The following FHOD3 variants were observed in gnomAD, a reference collection of about 807,000 sequenced individuals.
FHOD3 encodes FH1/FH2 domain-containing protein 3.
Under a neutral mutation model 173.0 loss-of-function variants are expected in FHOD3, and 90 were observed. The observed-to-expected ratio is 0.52, with a 90% CI of 0.44 to 0.62. The LOEUF (loss-of-function observed/expected upper bound fraction) is 0.62. Among genes scored for constraint, FHOD3 ranks in the 20% least tolerant of loss-of-function variants. The probability of loss-of-function intolerance (pLI) is 0.00; values close to 1 mark genes in which losing one functional copy is unlikely to be tolerated. For synonymous variants in FHOD3, 828 were observed against 823.0 expected (o/e 1.01, Z -0.10); for missense variants, 1,945 against 2,034.7 (o/e 0.96, Z 0.85).
At position 36,760,623 on chromosome 18, in the gene FHOD3, G is replaced by A. The variant is rs760749128; in HGVS notation, c.4465G>A (p.Gly1489Ser). Residue 1489 changes from glycine (G) to serine (S), a missense_variant, in exon 27 of 29, where the codon GGC becomes AGC. Around this residue, in one of 5 missense-constraint regions of FHOD3, gnomAD observed 354 missense variants for 359.9 expected, o/e 0.98. Coordinates refer to ENST00000590592, the MANE Select transcript of FHOD3 (RefSeq NM_001281740.3). ...GGTTTTGCAGTCTGGCAAGTTCTCC[G>A]GCAGTTCTCCGGCGCCCCCAAGCCA... The part of the protein sequence containing the change: ...EEEVESGKFS[G>S]SSPAPPSQPQ... 1.9e-6 allele frequency: 3 copies of A among 1,582,768 alleles called. No individual in the cohort carries two copies. The highest frequency in any genetic ancestry group is 1.4e-5 in the African/African-American group (1 of 73,538).
At chr18:36,390,737 A>T (rs917520294) in intron 3 of FHOD3, among the ~76,000 whole-genome samples, 8 of 152,214 alleles carry the variant, frequency 5.3e-5, no homozygotes, top group Admixed American at 3.3e-4. Context: ...TGAGTGACTG[A>T]TGTAACAGAC....
intron 14 of FHOD3, among the ~76,000 whole-genome samples, chr18:36,664,462 C>T (rs938149986): frequency 3.3e-5 from 5 of 152,104 alleles, no homozygotes; most frequent in Non-Finnish European, 5.9e-5. Flanking sequence ...TAATTGATTG[C>T]GTTACATCCA....
intron 3 of FHOD3, among the ~76,000 whole-genome samples, chr18:36,443,548 G>T (rs1215741845): frequency 6.6e-6 from 1 of 152,100 alleles, no homozygotes; most frequent in Admixed American, 6.6e-5. Context: ...ATCTCAAGAA[G>T]TTTCATGCTT....
At chr18:36,743,589 T>C (rs2042012943) in intron 22 of FHOD3, among the ~76,000 whole-genome samples, 1 of 152,226 alleles carries the variant, frequency 6.6e-6, no homozygotes, top group Non-Finnish European at 1.5e-5. Flanking sequence ...ACAGGTTTGT[T>C]ACATTGGTAA....
chr18:36,466,475 C>G (rs969591925), intron 3 of FHOD3, among the ~76,000 whole-genome samples: 1 of 152,140 alleles, frequency 6.6e-6, no homozygotes, highest in African/African-American at 2.4e-5. Context: ...AAGTTACAGG[C>G]AAAATCATAA....
At chr18:36,671,010 C>T (rs1349362371) in intron 14 of FHOD3, among the ~76,000 whole-genome samples, 1 of 152,260 alleles carries the variant, frequency 6.6e-6, no homozygotes, top group Non-Finnish European at 1.5e-5. Context: ...GCAGTACTCT[C>T]TGCCTTATAT....
At chr18:36,409,870 C>T (rs1222500856) in intron 3 of FHOD3, among the ~76,000 whole-genome samples, 1 of 152,190 alleles carries the variant, frequency 6.6e-6, no homozygotes, top group Non-Finnish European at 1.5e-5. Context: ...TTCTGCCCCT[C>T]TGTTGACCTA....
intron 1 of FHOD3, among the ~76,000 whole-genome samples, chr18:36,330,237 G>A (rs566502350): frequency 1.3e-5 from 2 of 152,284 alleles, no homozygotes; most frequent in African/African-American, 4.8e-5. Context: ...TTACGTCTAT[G>A]TCTTACATCA....
At chr18:36,361,819 C>T (rs2046638590) in intron 2 of FHOD3, among the ~76,000 whole-genome samples, 1 of 152,114 alleles carries the variant, frequency 6.6e-6, no homozygotes, top group Non-Finnish European at 1.5e-5. Context: ...CCTTCCCTGC[C>T]ACGCCCAGCC....
intron 5 of FHOD3, among the ~76,000 whole-genome samples, chr18:36,516,526 G>A (rs1453873328): frequency 1.3e-5 from 2 of 152,196 alleles, no homozygotes; most frequent in Non-Finnish European, 2.9e-5. Context: ...GAGAAGGTTG[G>A]GGTGTAGACT....
chr18:36,467,111 G>C (rs977308180), intron 3 of FHOD3, among the ~76,000 whole-genome samples: 2 of 152,104 alleles, frequency 1.3e-5, no homozygotes, highest in Non-Finnish European at 2.9e-5. Flanking sequence ...CGAGTCTCCA[G>C]CTCTTTACAG....
intron 3 of FHOD3, among the ~76,000 whole-genome samples, chr18:36,492,550 G>A (rs1299730488): frequency 6.6e-6 from 1 of 152,114 alleles, no homozygotes; most frequent in Non-Finnish European, 1.5e-5. Context: ...ATAACCTCAT[G>A]CTCAGCATAG....
intron 5 of FHOD3, among the ~76,000 whole-genome samples, chr18:36,552,869 A>G (rs1159359609): frequency 4.6e-5 from 7 of 152,212 alleles, no homozygotes; most frequent in African/African-American, 1.2e-4. Context: ...AATAGGAGTG[A>G]TGAGAGAAGG....
rs71168224 is a variant in FHOD3 at position 36,437,682 on chromosome 18, T to TTA, written c.338-64250_338-64249insTA. Among the ~76,000 whole-genome samples, 17 of 129,616 alleles carry TTA rather than the reference T, an allele frequency of 1.3e-4. 1 individual carries two copies. The highest frequency in any genetic ancestry group is 2.2e-4 in the African/African-American group (8 of 35,872). 85.0% of individuals were successfully genotyped at this position (129,616 alleles called of 152,430 possible). A position where few individuals can be genotyped will look rare whatever the true frequency, so the allele number is the denominator to read the frequency against. On this transcript the variant is annotated intron_variant, in intron 3 of 28. Coordinates refer to ENST00000590592, the MANE Select transcript of FHOD3 (RefSeq NM_001281740.3). ...CTTTCTTTCTTTTTTTTTTTTTTTT[T>TTA]AAGACAGAGTCTTGCTCTGTCGCCA... is the stretch of plus-strand genomic sequence containing the variant.
intron 5 of FHOD3, among the ~76,000 whole-genome samples, chr18:36,547,693 ACGT>A (rs1243407583): frequency 6.6e-6 from 1 of 152,178 alleles, no homozygotes; most frequent in Non-Finnish European, 1.5e-5. Flanking sequence ...TCGGGAAGGA[ACGT>A]CGCAGTGTCT....
intron 14 of FHOD3, among the ~76,000 whole-genome samples, chr18:36,665,857 T>G (rs2037146886): frequency 6.6e-6 from 1 of 152,138 alleles, no homozygotes. Context: ...TTGGGAAGCT[T>G]CCAGGAGATT....
At position 36,718,042 on chromosome 18, in the gene FHOD3, A is replaced by G. The variant is rs1328734133; in HGVS notation, c.2744A>G (p.Asn915Ser). 3.1e-6 allele frequency: 5 copies of G among 1,603,290 alleles called. No homozygotes were observed. Among genetic ancestry groups the G allele is most frequent in the Non-Finnish European group, 4.3e-6 (5 of 1,174,492 alleles). ...ACCAGGATATCCACCCTGCAGGCCA[A>G]CTCTCAGACCCAGGATGAGAGTGTC... is the stretch of plus-strand genomic sequence containing the variant. The part of the protein sequence containing the change: ...LATRISTLQA[N>S]SQTQDESVRR... The change falls in exon 19 of 29, where the codon AAC becomes AGC. Residue 915 changes from asparagine (N) to serine (S), a missense_variant. Transcript: ENST00000590592.
At chr18:36,380,613 C>T (rs1021969322) in intron 3 of FHOD3, among the ~76,000 whole-genome samples, 1 of 141,780 alleles carries the variant, frequency 7.1e-6, no homozygotes, top group African/African-American at 2.7e-5. Context: ...CTTTCCTTTC[C>T]TTTCCTTTCC....
chr18:36,307,270 A>G (rs1164354629), intron 1 of FHOD3, among the ~76,000 whole-genome samples: 1 of 152,118 alleles, frequency 6.6e-6, no homozygotes, highest in Non-Finnish European at 1.5e-5. Flanking sequence ...CCTGAGCTTT[A>G]TTTTTTAGAA....
Sources: gnomAD v4.1 joint callset for allele counts (sites outside exome capture counted in the v4.1 genomes callset) on GRCh38, gnomAD v4.1.1 for gene constraint, gnomAD v4.1.1 regional missense constraint, MANE v1.5 for transcripts, NCBI Gene and HGNC (gene_info 2026-07-23, HGNC 2026-07-21) for gene names.